RAI14: variants seen among roughly 807,000 people sequenced by gnomAD.
The protein encoded by RAI14 is ankycorbin.
In RAI14, 45 loss-of-function variants were observed where a neutral mutation model predicts 115.4. That is an observed-to-expected ratio of 0.39 (90% CI 0.31 to 0.50). The LOEUF is 0.50. RAI14 is among the 20% of genes least tolerant of loss of function. The pLI is 0.85. For missense variants in RAI14, 939 were observed against 1,131.2 expected (o/e 0.83, Z 2.44); for synonymous variants, 371 against 415.4 (o/e 0.89, Z 1.30).
chr5:34,678,335 T>A (rs173908), intron 1 of RAI14, among the ~76,000 whole-genome samples: 1 of 152,068 alleles, frequency 6.6e-6, no homozygotes, highest in Non-Finnish European at 1.5e-5. Flanking sequence ...TTGTTTTACT[T>A]TTAATTGTGG....
At chr5:34,749,970 G>GCA (rs1176045830) in intron 2 of RAI14, among the ~76,000 whole-genome samples, 8 of 152,254 alleles carry the variant, frequency 5.3e-5, no homozygotes, top group Non-Finnish European at 8.8e-5. Flanking sequence ...GCATTAAGCT[G>GCA]TTATCAGCCT....
chr5:34,778,683 C>T lies in RAI14; in HGVS notation c.168-17256C>T, dbSNP rs577782576. On this transcript the variant is annotated intron_variant, in intron 3 of 17. Coordinates refer to ENST00000265109, the MANE Select transcript of RAI14 (RefSeq NM_015577.3). ...CTGTAACCCCAGTTTGGGAGAATCG[C>T]TTGAGGCCAGGAATTTGAGACCAGG... is the stretch of plus-strand genomic sequence containing the variant. Among the ~76,000 whole-genome samples the T allele has an allele frequency of 2.1e-3, 316 of 151,338 alleles. 1 individual carries two copies. Among genetic ancestry groups the T allele is most frequent in the African/African-American group, 7.2e-3 (297 of 41,168 alleles).
chr5:34,698,569 GT>G (rs915920150), intron 2 of RAI14, among the ~76,000 whole-genome samples: 3 of 152,110 alleles, frequency 2.0e-5, no homozygotes, highest in Non-Finnish European at 4.4e-5. Context: ...TAGAAGGTGA[GT>G]TAGGGGCTGA....
intron 2 of RAI14, among the ~76,000 whole-genome samples, chr5:34,693,237 T>C (rs1406721866): frequency 6.6e-6 from 1 of 152,164 alleles, no homozygotes; most frequent in Non-Finnish European, 1.5e-5. Flanking sequence ...AGGACACAAG[T>C]CAACCCTTAA....
chr5:34,666,996 G>A (rs773793896), intron 1 of RAI14, among the ~76,000 whole-genome samples: 2 of 152,180 alleles, frequency 1.3e-5, no homozygotes, highest in Non-Finnish European at 2.9e-5. Flanking sequence ...GGTGGCGGTG[G>A]TGGGAGGGAA....
At chr5:34,732,222 G>A (rs1400207263) in intron 2 of RAI14, among the ~76,000 whole-genome samples, 2 of 152,134 alleles carry the variant, frequency 1.3e-5, no homozygotes, top group Non-Finnish European at 2.9e-5. Context: ...TCTGCCATGG[G>A]TTTCAGCTGC....
intron 1 of RAI14, among the ~76,000 whole-genome samples, chr5:34,666,383 C>T (rs1180682190): frequency 6.6e-6 from 1 of 151,896 alleles, no homozygotes; most frequent in African/African-American, 2.4e-5. Flanking sequence ...TTTGGCTGCT[C>T]AGCCCAGTGG....
intron 2 of RAI14, among the ~76,000 whole-genome samples, chr5:34,713,441 G>A (rs1356834330): frequency 2.0e-5 from 3 of 151,972 alleles, no homozygotes; most frequent in African/African-American, 7.3e-5. Flanking sequence ...TGAGTAGCCG[G>A]TCTTGAACTT....
intron 4 of RAI14, among the ~76,000 whole-genome samples, chr5:34,799,923 G>A (rs1580303577): frequency 2.0e-5 from 3 of 152,050 alleles, no homozygotes; most frequent in Admixed American, 6.6e-5. Context: ...TCCTGACCTC[G>A]TGATCCGCCT....
rs1561315251 is a variant in RAI14 at position 34,754,523 on chromosome 5, C to CGGCTAATTTTTTGTATTTTTAGT, written c.37-2945_37-2944insGGCTAATTTTTTGTATTTTTAGT. On this transcript the variant is annotated intron_variant, in intron 2 of 17. Coordinates refer to ENST00000265109, the MANE Select transcript of RAI14 (RefSeq NM_015577.3). ...GATTACAGTTATGAGCTACCACGCC[C>CGGCTAATTTTTTGTATTTTTAGT]AGGCTCTTACCTTCCCTCCTCTTTT... Among the ~76,000 whole-genome samples, 77 of 148,730 alleles carry CGGCTAATTTTTTGTATTTTTAGT rather than the reference C, an allele frequency of 5.2e-4. 1 individual carries two copies. Among genetic ancestry groups the CGGCTAATTTTTTGTATTTTTAGT allele is most frequent in the South Asian group, 1.5e-3 (7 of 4,610 alleles).
chr5:34,824,067 C>G lies in RAI14; in HGVS notation c.2225C>G (p.Thr742Ser). Residue 742 changes from threonine (T) to serine (S), a missense_variant, in exon 15 of 18, where the codon ACT becomes AGT. Physicochemically the swap from Thr to Ser is moderately conservative, Grantham distance 58 (BLOSUM62 1). Coordinates refer to ENST00000265109, the MANE Select transcript of RAI14 (RefSeq NM_015577.3). ...TTGCAAGTGATAACCACGCTGCGGACTGCAGCAAAAGAGATGGAAGAAAAA... is the reference window on the plus strand; with the variant it reads ...TTGCAAGTGATAACCACGCTGCGGAGTGCAGCAAAAGAGATGGAAGAAAAA... ...EHLQVITTLR[T>S]AAKEMEEKIS... 6 of 1,614,146 alleles carry G rather than the reference C, an allele frequency of 3.7e-6. No individual in the cohort carries two copies. The highest frequency in any genetic ancestry group is 5.1e-6 in the Non-Finnish European group (6 of 1,180,000).
intron 7 of RAI14, among the ~76,000 whole-genome samples, chr5:34,809,065 G>A (rs908191676): frequency 6.6e-6 from 1 of 152,180 alleles, no homozygotes; most frequent in Non-Finnish European, 1.5e-5. Context: ...AGACAACTAA[G>A]TATTGGGCAA....
chr5:34,721,655 G>T (rs1311733479), intron 2 of RAI14, among the ~76,000 whole-genome samples: 1 of 151,968 alleles, frequency 6.6e-6, no homozygotes, highest in Non-Finnish European at 1.5e-5. Flanking sequence ...TATTTTAAAT[G>T]ATTTCTTATT....
rs560456768 is a variant in RAI14 at position 34,715,054 on chromosome 5, A to C, written c.36+28099A>C. Among the ~76,000 whole-genome samples the C allele has an allele frequency of 2.3e-3, 353 of 152,160 alleles. 1 individual carries two copies. The highest frequency in any genetic ancestry group is 3.6e-3 in the Non-Finnish European group (248 of 68,010). The stretch of plus-strand genomic sequence containing the variant: ...GAATTCATGAGTCAGAAAATTGTAG[A>C]AGTATGGAGATTTATTGCAAAGGGA... On this transcript the variant is annotated intron_variant, in intron 2 of 17. Transcript: ENST00000265109.
chr5:34,708,201 G>GTTTTTTTTTTTTTT lies in RAI14; in HGVS notation c.36+21251_36+21252insTTTTTTTTTTTTTT, dbSNP rs146605112. On this transcript the variant is annotated intron_variant, in intron 2 of 17. Coordinates refer to ENST00000265109, the MANE Select transcript of RAI14 (RefSeq NM_015577.3). The stretch of plus-strand genomic sequence containing the variant: ...AAACCTAAGTATAAGGGAACTTTGG[G>GTTTTTTTTTTTTTT]TTTTTGTTTTTTTTTTTTGAGACCG... Among the ~76,000 whole-genome samples, 2 of 147,312 alleles carry GTTTTTTTTTTTTTT rather than the reference G, an allele frequency of 1.4e-5. 1 individual carries two copies. The highest frequency in any genetic ancestry group is 3.0e-5 in the Non-Finnish European group (2 of 67,078).
At chr5:34,817,048 C>A (rs566432133) in intron 12 of RAI14, among the ~76,000 whole-genome samples, 7 of 151,792 alleles carry the variant, frequency 4.6e-5, no homozygotes, top group Admixed American at 1.3e-4. Flanking sequence ...GAGGCCAAAG[C>A]GGGTGGATCA....
chr5:34,682,676 T>C (rs368360064), intron 1 of RAI14, among the ~76,000 whole-genome samples: 55 of 152,188 alleles, frequency 3.6e-4, no homozygotes, highest in Non-Finnish European at 7.2e-4. Flanking sequence ...TTCAGGGACT[T>C]ATTTTGAATT....
intron 2 of RAI14, among the ~76,000 whole-genome samples, chr5:34,705,586 C>T (rs192556028): frequency 6.6e-6 from 1 of 152,172 alleles, no homozygotes; most frequent in African/African-American, 2.4e-5. Context: ...GCCTTTATAC[C>T]CAGGAGTCAC....
At chr5:34,826,826 T>C (rs756984201) in intron 16 of RAI14, among the ~76,000 whole-genome samples, 4 of 152,208 alleles carry the variant, frequency 2.6e-5, no homozygotes, top group Non-Finnish European at 5.9e-5. Flanking sequence ...AGCTTTTTCT[T>C]GTTAGGGGCC....
Sources: gnomAD v4.1 joint callset for allele counts (sites outside exome capture counted in the v4.1 genomes callset) on GRCh38, gnomAD v4.1.1 for gene constraint, MANE v1.5 for transcripts, NCBI Gene and HGNC (gene_info 2026-07-23, HGNC 2026-07-21) for gene names.